The following PUDP variants were observed in gnomAD, a reference collection of about 807,000 sequenced individuals.
The protein encoded by PUDP is pseudouridine-5'-phosphatase.
PUDP carries 8 observed loss-of-function variants against 9.4 expected under a neutral mutation model. The ratio of observed to expected loss-of-function variants is 0.85; its 90% CI spans 0.50 to 1.53. PUDP has a LOEUF of 1.53. PUDP is among the 40% of genes most tolerant of loss of function. PUDP has a pLI of 0.00. For synonymous variants in PUDP, 99 were observed against 80.7 expected (o/e 1.23, Z -1.22); for missense variants, 188 against 189.7 (o/e 0.99, Z 0.05).
Position 7,024,778 on chromosome X carries a change from A to G in PUDP, c.205-46435T>C, listed in dbSNP as rs1396710270. Among the ~76,000 whole-genome samples, 11 of 20,635 alleles carry G rather than the reference A, an allele frequency of 5.3e-4. 1 individual carries two copies. The East Asian group carries it at 0.017, about 33-fold the overall frequency. 17.9% of individuals were successfully genotyped at this position (20,635 alleles called of 115,157 possible). A position where few individuals can be genotyped will look rare whatever the true frequency, so the allele number is the denominator to read the frequency against. On this transcript the variant is annotated intron_variant and NMD_transcript_variant, in intron 1 of 3. Transcript: ENST00000655425. ...ACTTTTTTTTTTTTTTTTTTAGTAG[A>G]GACGGGGTTTCACCGTGTTAGCCAG...
intron 3 of PUDP, among the ~76,000 whole-genome samples, chrX:6,859,799 C>G (rs1008465543): frequency 1.8e-5 from 2 of 111,173 alleles, no homozygotes; most frequent in Non-Finnish European, 3.8e-5. Context: ...ATTTTACCCA[C>G]AGACAATCAG....
At chrX:7,073,177 G>C (rs1032494617) in intron 3 of PUDP, among the ~76,000 whole-genome samples, 3 of 111,981 alleles carry the variant, frequency 2.7e-5, no homozygotes, top group Non-Finnish European at 3.8e-5. Flanking sequence ...TGGTTTCTGG[G>C]GGGCTTCTGA....
At chrX:7,002,140 T>A in intron 1 of PUDP, among the ~76,000 whole-genome samples, 1 of 109,617 alleles carries the variant, frequency 9.1e-6, no homozygotes, top group African/African-American at 3.4e-5. Context: ...CAGAAAAAAA[T>A]AAAGAAAATA....
intron 3 of PUDP, among the ~76,000 whole-genome samples, chrX:6,815,581 G>T (rs1341970286): frequency 9.0e-6 from 1 of 111,295 alleles, no homozygotes; most frequent in African/African-American, 3.3e-5. Context: ...ATCTCTGAGG[G>T]TGAGGCCTAG....
At chrX:7,041,488 A>G (rs1377063799) in intron 1 of PUDP, among the ~76,000 whole-genome samples, 1 of 112,047 alleles carries the variant, frequency 8.9e-6, no homozygotes, top group Non-Finnish European at 1.9e-5. Flanking sequence ...TTGAAAGAGA[A>G]ATTTAAACTC....
At chrX:6,896,549 G>A (rs759133148) in intron 3 of PUDP, among the ~76,000 whole-genome samples, 3 of 112,120 alleles carry the variant, frequency 2.7e-5, no homozygotes, top group Non-Finnish European at 5.6e-5. Context: ...AGGACCAAGG[G>A]ATGCTGGCCA....
intron 1 of PUDP, among the ~76,000 whole-genome samples, chrX:7,134,647 T>C (rs1180256152): frequency 8.9e-6 from 1 of 111,978 alleles, no homozygotes; most frequent in Non-Finnish European, 1.9e-5. Flanking sequence ...CTACAGGTAT[T>C]GTAATGGCAA....
intron 1 of PUDP, among the ~76,000 whole-genome samples, chrX:6,712,824 G>T (rs1208095919): frequency 9.0e-6 from 1 of 111,417 alleles, no homozygotes; most frequent in Non-Finnish European, 1.9e-5. Flanking sequence ...GAGGCGGGTG[G>T]ATCACTTGAG....
chrX:6,839,688 T>C (rs1241962802), intron 3 of PUDP, among the ~76,000 whole-genome samples: 1 of 111,599 alleles, frequency 9.0e-6, no homozygotes, highest in Non-Finnish European at 1.9e-5. Flanking sequence ...CCTATTAGAA[T>C]GGCCAAAATC....
chrX:6,937,512 C>G (rs1928324918), intron 3 of PUDP, among the ~76,000 whole-genome samples: 1 of 103,606 alleles, frequency 9.7e-6, no homozygotes, highest in African/African-American at 3.5e-5. Flanking sequence ...AACATTAGAC[C>G]TAAAACCATA....
chrX:6,910,099 T>C (rs1927827167), intron 3 of PUDP, among the ~76,000 whole-genome samples: 1 of 111,917 alleles, frequency 8.9e-6, no homozygotes, highest in Non-Finnish European at 1.9e-5. Context: ...GCACATGCTA[T>C]GGTTGTACTC....
At chrX:6,951,393 A>G (rs990158517) in intron 3 of PUDP, among the ~76,000 whole-genome samples, 20 of 111,338 alleles carry the variant, frequency 1.8e-4, no homozygotes, top group African/African-American at 5.9e-4. Flanking sequence ...CCAATAACTG[A>G]TAAATCCTTA....
At chrX:6,711,680 C>T (rs986862831) in intron 1 of PUDP, among the ~76,000 whole-genome samples, 7 of 111,435 alleles carry the variant, frequency 6.3e-5, no homozygotes, top group African/African-American at 1.3e-4. Context: ...CTGAGGCCTT[C>T]GTTTTGGGGT....
chrX:6,987,922 A>G (rs896710579), intron 1 of PUDP, among the ~76,000 whole-genome samples: 1 of 112,092 alleles, frequency 8.9e-6, no homozygotes, highest in Admixed American at 9.5e-5. Flanking sequence ...TATAGGTATT[A>G]CGATCTCCAT....
chrX:6,915,258 A>G (rs763921817), intron 3 of PUDP, among the ~76,000 whole-genome samples: 1 of 112,396 alleles, frequency 8.9e-6, no homozygotes, highest in African/African-American at 3.2e-5. Flanking sequence ...ATATAAACAG[A>G]GTAATTATAT....
intron 3 of PUDP, among the ~76,000 whole-genome samples, chrX:6,735,773 G>C (rs1924864297): frequency 9.0e-6 from 1 of 111,009 alleles, no homozygotes; most frequent in African/African-American, 3.3e-5. Flanking sequence ...CACACTTGAT[G>C]TGTACAGCTT....
intron 1 of PUDP, among the ~76,000 whole-genome samples, chrX:7,034,184 G>A (rs1170217742): frequency 8.9e-6 from 1 of 112,196 alleles, no homozygotes; most frequent in Non-Finnish European, 1.9e-5. Context: ...GATGGGACAA[G>A]ACAAAGCAGG....
intron 1 of PUDP, among the ~76,000 whole-genome samples, chrX:7,111,561 C>T (rs1932051209): frequency 9.0e-6 from 1 of 111,445 alleles, no homozygotes; most frequent in Admixed American, 9.5e-5. Flanking sequence ...GGCAGTGAAG[C>T]CAGGTCCTCT....
intron 3 of PUDP, among the ~76,000 whole-genome samples, chrX:6,755,060 G>A (rs1351992972): frequency 9.0e-6 from 1 of 111,671 alleles, no homozygotes; most frequent in Non-Finnish European, 1.9e-5. Flanking sequence ...CACAAGCAGG[G>A]ACATCTGATG....
Sources: allele counts gnomAD v4.1 joint callset (sites outside exome capture counted in the v4.1 genomes callset), GRCh38; gene constraint gnomAD v4.1.1; transcripts MANE v1.5; gene names NCBI Gene and HGNC (gene_info 2026-07-23, HGNC 2026-07-21).